CEP192: variants seen among roughly 807,000 people sequenced by gnomAD.
CEP192 encodes centrosomal protein 192.
Under a neutral mutation model 271.8 loss-of-function variants are expected in CEP192, and 151 were observed. The ratio of observed to expected loss-of-function variants is 0.56; its 90% CI spans 0.49 to 0.64. The LOEUF (loss-of-function observed/expected upper bound fraction) is 0.64. CEP192 is among the 30% of genes least tolerant of loss of function. CEP192 has a pLI of 0.00. For synonymous variants in CEP192, 995 were observed against 1,076.5 expected, an observed-to-expected ratio of 0.92 and a Z score of 1.48; for missense variants, 2,910 against 3,020.5, an observed-to-expected ratio of 0.96 and a Z score of 0.86.
At chr18:13,095,755 C>T (rs1050174285) in intron 35 of CEP192, 74 bp downstream of exon 35, 1 of 1,287,998 alleles carries the variant, frequency 7.8e-7, no homozygotes. Context: ...TGCCCATGGC[C>T]TATCCAAGAC....
intron 36 of CEP192, among the ~76,000 whole-genome samples, chr18:13,097,746 C>T (rs2039475616): frequency 6.8e-6 from 1 of 147,364 alleles, no homozygotes; most frequent in Non-Finnish European, 1.5e-5. Flanking sequence ...AGCAGATAAA[C>T]AAGTGAACAA....
At chr18:13,105,607 C>T (rs2039912056) in intron 40 of CEP192, among the ~76,000 whole-genome samples, 1 of 152,200 alleles carries the variant, frequency 6.6e-6, no homozygotes. Context: ...GACATTCAGA[C>T]TTAAAGTAAG....
intron 40 of CEP192, among the ~76,000 whole-genome samples, chr18:13,105,869 A>G (rs1346363550): frequency 6.6e-6 from 1 of 152,204 alleles, no homozygotes; most frequent in East Asian, 1.9e-4. Flanking sequence ...GCGGTATTGC[A>G]AAAAGAAGCC....
intron 30 of CEP192, among the ~76,000 whole-genome samples, chr18:13,074,216 T>C (rs1218707145): frequency 6.6e-6 from 1 of 152,184 alleles, no homozygotes; most frequent in African/African-American, 2.4e-5. Context: ...TAGAATTAGG[T>C]ATGTATGACA....
Position 13,110,046 on chromosome 18 carries a change from T to C in CEP192, c.7048-3540T>C, listed in dbSNP as rs141169390. Among the ~76,000 whole-genome samples the C allele has an allele frequency of 5.1e-3, 781 of 152,316 alleles. 4 individuals are homozygous for C. Among genetic ancestry groups the C allele is most frequent in the Non-Finnish European group, 8.9e-3 (604 of 68,020 alleles). On this transcript the variant is annotated intron_variant, in intron 40 of 44. Transcript: ENST00000506447. ...CTGAGAATTTATACACCTTATACCA[T>C]TGTATAACTTTGTCCCCTGCCCTGC...
chr18:13,057,167 C>T (rs1378064265), intron 19 of CEP192, among the ~76,000 whole-genome samples: 1 of 152,042 alleles, frequency 6.6e-6, no homozygotes, highest in Non-Finnish European at 1.5e-5. Flanking sequence ...GGAGCAACTG[C>T]ATGAGGATGT....
rs139475305 is a variant in CEP192, at chr18:12,999,620, G to C, written c.164+32G>C. 598 of 1,482,820 alleles carry C rather than the reference G, an allele frequency of 4.0e-4. 3 individuals are homozygous for C. The East Asian group carries it at 0.014, about 34-fold the overall frequency. The allele number at this position is 1,482,820 out of a possible 1,614,324, so 91.9% of individuals were successfully genotyped here. A position where few individuals can be genotyped will look rare whatever the true frequency, so the allele number is the denominator to read the frequency against. On this transcript the variant is annotated intron_variant, in intron 2 of 44. Transcript: ENST00000506447. ...TTTGTTTGAGCAGATTTTTTTCCAG[G>C]TCCATAAAGCCTATAGCATGCTGAT...
chr18:13,048,620 C>T (rs1598444784), intron 15 of CEP192, among the ~76,000 whole-genome samples: 1 of 152,126 alleles, frequency 6.6e-6, no homozygotes, highest in Non-Finnish European at 1.5e-5. Flanking sequence ...AAACTTCAAA[C>T]GTTCCAGCCA....
rs2039368057 is a variant in CEP192, at chr18:13,095,762, A to G, written c.6433+81A>G. Reference sequence around the variant, plus strand: ...TCCCATTGTGCCCATGGCCTATCCAAGACACACATGGGCTCCTGCACATTG... The same window carrying G: ...TCCCATTGTGCCCATGGCCTATCCAGGACACACATGGGCTCCTGCACATTG... On this transcript the variant is annotated intron_variant, in intron 35 of 44. Coordinates refer to ENST00000506447, the MANE Select transcript of CEP192 (RefSeq NM_032142.4). 7.4e-6 allele frequency: 9 copies of G among 1,214,752 alleles called. No individual in the cohort carries two copies. In the South Asian group the frequency reaches 8.5e-5, roughly 12 times the overall value. The allele number at this position is 1,214,752 out of a possible 1,614,324, so 75.2% of individuals were successfully genotyped here.
At chr18:13,077,558 G>A (rs1241994582) in intron 30 of CEP192, among the ~76,000 whole-genome samples, 1 of 152,178 alleles carries the variant, frequency 6.6e-6, no homozygotes, top group Non-Finnish European at 1.5e-5. Context: ...TTTATGGGAT[G>A]TATTCTGTGA....
intron 9 of CEP192, among the ~76,000 whole-genome samples, chr18:13,023,909 C>T (rs552679315): frequency 6.6e-6 from 1 of 152,178 alleles, no homozygotes; most frequent in Non-Finnish European, 1.5e-5. Flanking sequence ...CAGATAGGGG[C>T]CTACTCAAAT....
At chr18:13,064,806 C>G (rs888660615) in intron 21 of CEP192, among the ~76,000 whole-genome samples, 6 of 151,896 alleles carry the variant, frequency 4.0e-5, no homozygotes, top group African/African-American at 1.2e-4. Context: ...GATAGCTTGT[C>G]TATTCTAGGT....
chr18:13,057,256 T>TG (rs201706931), intron 19 of CEP192, among the ~76,000 whole-genome samples: 1 of 24,698 alleles, frequency 4.0e-5, no homozygotes. Context: ...TTTTTTTGTT[T>TG]GTTTTTTTTT....
intron 11 of CEP192, among the ~76,000 whole-genome samples, chr18:13,034,975 G>C (rs920397609): frequency 6.6e-6 from 1 of 152,102 alleles, no homozygotes. Flanking sequence ...CTGCTTCCAC[G>C]TTTGGCCTCG....
Position 13,067,884 on chromosome 18 carries a change from C to T in CEP192, c.4542C>T (p.Gly1514=). The T allele has an allele frequency of 6.2e-7, 1 of 1,612,504 alleles. No individual in the cohort carries two copies. The highest frequency in any genetic ancestry group is 1.1e-5 in the South Asian group (1 of 91,018). Residue 1514 remains glycine, a synonymous_variant, in exon 22 of 45, where the codon GGC becomes GGT. Transcript: ENST00000506447. ...ATTTTGGTGACTTGACTTATGGAGG[C>T]TGGAAAGCCCTCCCACTAAAATTGA... ...VLDFGDLTYG[G]WKALPLKLIN... is the part of the protein sequence containing the mutation.
At chr18:13,060,209 TC>T (rs2037333904) in intron 21 of CEP192, among the ~76,000 whole-genome samples, 1 of 152,346 alleles carries the variant, frequency 6.6e-6, no homozygotes, top group South Asian at 2.1e-4. Context: ...AGTCCATTGT[TC>T]CTAGGCTATG....
chr18:13,067,812 C>A lies in CEP192; in HGVS notation c.4489-19C>A. ...AATATATTGCTTTTCATAAATCATT[C>A]CCTTTTTTTGATAATTAGGTAGAAA... is the stretch of plus-strand genomic sequence containing the variant. On this transcript the variant is annotated intron_variant, in intron 21 of 44. Transcript: ENST00000506447. 6.3e-7 allele frequency: 1 copy of A among 1,590,310 alleles called. No individual in the cohort carries two copies. The highest frequency in any genetic ancestry group is 1.1e-5 in the South Asian group (1 of 90,170).
chr18:13,082,980 T>G (rs1248576088), intron 30 of CEP192, among the ~76,000 whole-genome samples: 2 of 152,346 alleles, frequency 1.3e-5, no homozygotes, highest in East Asian at 3.9e-4. Context: ...GAGTTTCTGC[T>G]GAGAGATCAG....
chr18:13,023,041 G>T (rs1278875943), intron 9 of CEP192, among the ~76,000 whole-genome samples: 1 of 152,094 alleles, frequency 6.6e-6, no homozygotes, highest in African/African-American at 2.4e-5. Context: ...CATGTATGCT[G>T]TCATCTTTTA....
Sources: allele counts gnomAD v4.1 joint callset (sites outside exome capture counted in the v4.1 genomes callset), GRCh38; gene constraint gnomAD v4.1.1; transcripts MANE v1.5; gene names NCBI Gene and HGNC (gene_info 2026-07-23, HGNC 2026-07-21).